The following ALS2 variants were observed in gnomAD, a reference collection of about 807,000 sequenced individuals.
ALS2 encodes alsin.
Under a neutral mutation model 203.4 loss-of-function variants are expected in ALS2, and 117 were observed. The ratio of observed to expected loss-of-function variants is 0.58; its 90% CI spans 0.50 to 0.67. ALS2 has a LOEUF of 0.67. Among genes scored for constraint, ALS2 ranks in the 30% least tolerant of loss-of-function variants. The pLI, the probability that ALS2 is intolerant of heterozygous loss-of-function variation, is 0.00. For missense variants in ALS2, 1,715 were observed against 1,989.4 expected (o/e 0.86, Z 2.62); for synonymous variants, 718 against 725.9 (o/e 0.99, Z 0.17).
intron 13 of ALS2, among the ~76,000 whole-genome samples, chr2:201,731,544 C>T (rs1691554594): frequency 6.6e-6 from 1 of 152,018 alleles, no homozygotes; most frequent in Non-Finnish European, 1.5e-5. Context: ...ATATAACTTG[C>T]TTAGAACAGT....
chr2:201,728,746 C>A, intron 14 of ALS2, 106 bp from the exon 15 acceptor site: 1 of 1,359,328 alleles, frequency 7.4e-7, no homozygotes, highest in African/African-American at 1.5e-5. Flanking sequence ...ATTTGCTGGT[C>A]GTAGCTTAGC....
intron 11 of ALS2, among the ~76,000 whole-genome samples, chr2:201,740,611 A>G (rs1250556197): frequency 1.3e-5 from 2 of 152,198 alleles, no homozygotes; most frequent in Admixed American, 6.5e-5. Flanking sequence ...CTGAAAGATG[A>G]TGAGTTAAAA....
chr2:201,765,685 G>A (rs1694039223), intron 3 of ALS2: 1 of 167,026 alleles, frequency 6.0e-6, no homozygotes, highest in Non-Finnish European at 1.5e-5. Flanking sequence ...TGAAGTAGAT[G>A]GCAATTGGTG....
rs189729318 is a variant in ALS2 at position 201,755,705 on chromosome 2, A to G, written c.1472-1034T>C. Among the ~76,000 whole-genome samples the G allele has an allele frequency of 5.4e-4, 83 of 152,346 alleles. 1 individual carries two copies. In the East Asian group the frequency reaches 0.013, roughly 24 times the overall value. On this transcript the variant is annotated intron_variant, in intron 5 of 33. Transcript: ENST00000264276. ...AAAAAGATTATGAAAGGGATATACT[A>G]AAAAGCTTTTGTACTTGCCTATTTC...
chr2:201,708,021 A>G (rs1417470670), intron 27 of ALS2, 30 bp from the exon 28 acceptor site: 1 of 1,599,734 alleles, frequency 6.3e-7, no homozygotes. Flanking sequence ...ATAATTATAC[A>G]ATTATACCTC....
intron 23 of ALS2, among the ~76,000 whole-genome samples, chr2:201,719,647 G>C (rs1690641413): frequency 6.6e-6 from 1 of 152,040 alleles, no homozygotes; most frequent in Non-Finnish European, 1.5e-5. Flanking sequence ...ACTATCTTAG[G>C]CCTTTTTGCC....
Position 201,729,179 on chromosome 2 carries a change from G to C in ALS2, c.2585C>G (p.Ser862Cys). The C allele has an allele frequency of 6.2e-7, 1 of 1,612,600 alleles. No individual in the cohort carries two copies. Among genetic ancestry groups the C allele is most frequent in the Non-Finnish European group, 8.5e-7 (1 of 1,179,506 alleles). Residue 862 changes from serine to cysteine, a missense_variant, in exon 14 of 34, where the codon TCT (serine) becomes TGT (cysteine). By Grantham distance (112) the Ser-to-Cys change is moderately radical. Transcript: ENST00000264276. ...LKLATCFEVA[S>C]PEYQKLQDSS... The stretch of plus-strand genomic sequence containing the variant: ...ATCCTGCAGTTTCTGATATTCTGGA[G>C]ATGCCTACAGGGCAAAAATTAAAGA...
chr2:201,756,633 C>T (rs542970043), intron 5 of ALS2, among the ~76,000 whole-genome samples: 4 of 152,352 alleles, frequency 2.6e-5, no homozygotes, highest in Admixed American at 2.0e-4. Context: ...TTTTACATAA[C>T]CACAGCGTAG....
intron 8 of ALS2, 45 bp downstream of exon 8, chr2:201,749,667 A>G: frequency 6.9e-7 from 1 of 1,459,520 alleles, no homozygotes; most frequent in Non-Finnish European, 9.6e-7. Flanking sequence ...AAGGTGTTAC[A>G]GCTAAGAATT....
In ALS2 at chr2:201,733,297, C is replaced by T. The variant is rs542602881; in HGVS notation, c.2559G>A (p.Lys853=). ...RLHNYAKVLL[K]LATCFEVASP... is the part of the protein sequence containing the mutation. ...TTACCACTTCAAAACAAGTAGCAAG[C>T]TTTAGCAAAACTTTTGCGTAATTAT... Residue 853 remains lysine, a synonymous_variant, in exon 13 of 34, where the codon AAG becomes AAA. Coordinates refer to ENST00000264276, the MANE Select transcript of ALS2 (RefSeq NM_020919.4). 6.2e-7 allele frequency: 1 copy of T among 1,613,794 alleles called. No homozygotes were observed. Among genetic ancestry groups the T allele is most frequent in the East Asian group, 2.2e-5 (1 of 44,810 alleles).
intron 7 of ALS2, 109 bp downstream of exon 7, chr2:201,753,037 C>T (rs1025596183): frequency 2.7e-5 from 24 of 892,302 alleles, no homozygotes; most frequent in African/African-American, 1.8e-4. Context: ...AAATGAGATA[C>T]GGTTATCATT....
chr2:201,760,917 C>T lies in ALS2; in HGVS notation c.1077G>A (p.Glu359=). 6.2e-7 allele frequency: 1 copy of T among 1,614,138 alleles called. No homozygotes were observed. The highest frequency in any genetic ancestry group is 1.6e-4 in the Middle Eastern group (1 of 6,062). The change falls in exon 4 of 34, where the codon GAG becomes GAA. Residue 359 remains glutamate (E), a synonymous_variant. Transcript: ENST00000264276. ...LRKLSDHSVR[E]DSEHGEKPVP... Reference sequence around the variant, plus strand: ...CTGGCTTTTCACCATGCTCTGAGTCCTCTCTTACTGAATGATCTGACAGTT... The same window carrying T: ...CTGGCTTTTCACCATGCTCTGAGTCTTCTCTTACTGAATGATCTGACAGTT...
At chr2:201,756,693 C>G (rs1454531114) in intron 5 of ALS2, among the ~76,000 whole-genome samples, 2 of 152,222 alleles carry the variant, frequency 1.3e-5, no homozygotes, top group South Asian at 2.1e-4. Flanking sequence ...TAAAATATTT[C>G]TCTTTGGCTC....
chr2:201,733,159 T>C, intron 13 of ALS2, 117 bp downstream of exon 13: 1 of 1,095,776 alleles, frequency 9.1e-7, no homozygotes, highest in Non-Finnish European at 1.3e-6. Flanking sequence ...TAAATTTAAT[T>C]AGACACAGGT....
In ALS2 at chr2:201,725,454, C is replaced by T. The variant is rs751623487; in HGVS notation, c.3249G>A (p.Gly1083=). 8.1e-6 allele frequency: 13 copies of T among 1,611,974 alleles called. No individual in the cohort carries two copies. In the South Asian group the frequency reaches 1.1e-4, roughly 14 times the overall value. ...SGMFRNGLED[G]YGEYRIPNKA... is the part of the protein sequence containing the mutation. ...TGTTTGGGATTCTGTATTCTCCATA[C>T]CTGCCATGAAAAAGAAAAAATAACA... Residue 1083 remains glycine, a splice_region_variant and synonymous_variant, in exon 20 of 34, where the codon GGG becomes GGA. Transcript: ENST00000264276.
chr2:201,718,259 A>G (rs1279650765), intron 23 of ALS2, 49 bp from the exon 24 acceptor site: 2 of 1,572,118 alleles, frequency 1.3e-6, no homozygotes, highest in East Asian at 2.3e-5. Context: ...AATATATTCA[A>G]TATTCATTTA....
intron 1 of ALS2, among the ~76,000 whole-genome samples, chr2:201,770,334 A>T (rs1450167968): frequency 1.3e-5 from 2 of 152,232 alleles, no homozygotes; most frequent in Admixed American, 6.5e-5. Context: ...AAATGTTGAG[A>T]ATCTTTTGAT....
intron 1 of ALS2, among the ~76,000 whole-genome samples, chr2:201,777,204 A>C (rs1473558279): frequency 6.6e-6 from 1 of 151,948 alleles, no homozygotes; most frequent in Non-Finnish European, 1.5e-5. Flanking sequence ...TGATTGGTAT[A>C]TGCCTACATT....
rs1262685717 is a variant in ALS2 at position 201,736,137 on chromosome 2, A to AAAC, written c.2417+2530_2417+2532dup. ...GTCAAAACCAGAAGTTCTCAAATGT[A>AAAC]AACAACAACAACAACAAACAATAAG... On this transcript the variant is annotated intron_variant, in intron 12 of 33. Coordinates refer to ENST00000264276, the MANE Select transcript of ALS2 (RefSeq NM_020919.4). Among the ~76,000 whole-genome samples the AAAC allele has an allele frequency of 3.3e-5, 5 of 152,150 alleles. No individual in the cohort carries two copies. The East Asian group carries it at 7.7e-4, about 23-fold the overall frequency.
Sources: allele counts gnomAD v4.1 joint callset (sites outside exome capture counted in the v4.1 genomes callset), GRCh38; gene constraint gnomAD v4.1.1; transcripts MANE v1.5; gene names NCBI Gene and HGNC (gene_info 2026-07-23, HGNC 2026-07-21).